Variants in PI4K2A observed in about 807,000 individuals in gnomAD.
PI4K2A encodes phosphatidylinositol 4-kinase type 2 alpha.
PI4K2A carries 20 observed loss-of-function variants against 55.0 expected under a neutral mutation model. The ratio of observed to expected loss-of-function variants is 0.36; its 90% CI spans 0.26 to 0.53. The LOEUF (loss-of-function observed/expected upper bound fraction) is 0.53. Ranked by LOEUF, PI4K2A falls within the 20% of genes least tolerant of loss-of-function variation. The probability of loss-of-function intolerance (pLI) is 0.91; values close to 1 mark genes in which losing one functional copy is unlikely to be tolerated. For missense variants in PI4K2A, 463 were observed against 637.1 expected (o/e 0.73, Z 2.94); for synonymous variants, 235 against 258.5 (o/e 0.91, Z 0.87).
At chr10:97,667,208 A>C in intron 8 of PI4K2A, 88 bp downstream of exon 8, 4 of 935,596 alleles carry the variant, frequency 4.3e-6, no homozygotes, top group Non-Finnish European at 6.8e-6. Context: ...TTTGTGTTTT[A>C]TACCCCCCCC....
chr10:97,640,692 C>T, exon 1 of PI4K2A: 1 of 1,317,314 alleles, frequency 7.6e-7, no homozygotes, highest in South Asian at 1.7e-5. Flanking sequence ...GTCGCGGCCG[C>T]GAGCGCAGTG....
chr10:97,673,759 A>G, exon 9 of PI4K2A: 1 of 1,612,502 alleles, frequency 6.2e-7, no homozygotes, highest in South Asian at 1.1e-5. Context: ...AGGCAGGCAG[A>G]GGAAATATTG....
intron 4 of PI4K2A, among the ~76,000 whole-genome samples, chr10:97,662,347 G>A (rs940035398): frequency 4.6e-5 from 7 of 152,032 alleles, no homozygotes; most frequent in African/African-American, 9.7e-5. Flanking sequence ...ATCAGAAATC[G>A]TAGAGCTGTA....
At chr10:97,640,899 G>T in exon 1 of PI4K2A, 1 of 1,311,548 alleles carries the variant, frequency 7.6e-7, no homozygotes, top group Admixed American at 4.2e-5. Context: ...GGGCTCGCCG[G>T]GCCACGACCG....
At chr10:97,665,010 G>A (rs1260463250) in intron 6 of PI4K2A, 26 bp downstream of exon 6, 1 of 1,394,372 alleles carries the variant, frequency 7.2e-7, no homozygotes, top group Non-Finnish European at 1.0e-6. Flanking sequence ...ATGGTGGTCT[G>A]GCTCTTCCCT....
At chr10:97,648,998 G>A (rs1441337080) in intron 1 of PI4K2A, among the ~76,000 whole-genome samples, 2 of 152,326 alleles carry the variant, frequency 1.3e-5, no homozygotes, top group East Asian at 3.9e-4. Flanking sequence ...ATCCTTGGAA[G>A]GCATTTTTAA....
At chr10:97,675,840 C>T (rs1245595034) in exon 9 of PI4K2A, 1 of 152,588 alleles carries the variant, frequency 6.6e-6, no homozygotes, top group Non-Finnish European at 1.5e-5. Flanking sequence ...TCTGGAAGAG[C>T]CAGGGGCCCA....
At chr10:97,661,082 C>A (rs1340363515) in intron 4 of PI4K2A, among the ~76,000 whole-genome samples, 1 of 152,042 alleles carries the variant, frequency 6.6e-6, no homozygotes, top group Non-Finnish European at 1.5e-5. Flanking sequence ...AGCTCCGCCT[C>A]CCGGGTTCAC....
At chr10:97,659,325 C>T (rs548339770) in intron 4 of PI4K2A, among the ~76,000 whole-genome samples, 65 of 152,122 alleles carry the variant, frequency 4.3e-4, no homozygotes, top group African/African-American at 1.5e-3. Flanking sequence ...TGAACAACTG[C>T]GCCTGGCTTG....
chr10:97,651,161 G>A lies in PI4K2A; in HGVS notation c.636+20G>A. 1 of 1,599,744 alleles carries A rather than the reference G, an allele frequency of 6.3e-7. No homozygotes were observed. Among genetic ancestry groups the A allele is most frequent in the South Asian group, 1.1e-5 (1 of 90,710 alleles). On this transcript the variant is annotated intron_variant, in intron 2 of 8. Coordinates refer to ENST00000370631, the Ensembl canonical transcript of PI4K2A. ...ACAAAGGTCAGTGACCCATCTCCAG[G>A]AAGCCTTACTGCCTGGCCACAGTTT... is the stretch of plus-strand genomic sequence containing the variant.
intron 8 of PI4K2A, among the ~76,000 whole-genome samples, chr10:97,670,612 C>T (rs2041629927): frequency 6.6e-6 from 1 of 152,158 alleles, no homozygotes. Flanking sequence ...CTATTTGGAA[C>T]AGTGTAGGAT....
intron 1 of PI4K2A, among the ~76,000 whole-genome samples, chr10:97,642,850 C>CTCTCT (rs1491531542): frequency 2.5e-5 from 2 of 80,344 alleles, no homozygotes; most frequent in Non-Finnish European, 2.7e-5. Flanking sequence ...TTCCTTCCTT[C>CTCTCT]CTTTCTTTCT....
At chr10:97,653,149 C>T (rs548209575) in intron 2 of PI4K2A, among the ~76,000 whole-genome samples, 1 of 152,348 alleles carries the variant, frequency 6.6e-6, no homozygotes, top group Admixed American at 6.5e-5. Flanking sequence ...CTTTTACATT[C>T]TCCTTGCTTA....
intron 1 of PI4K2A, among the ~76,000 whole-genome samples, chr10:97,647,084 G>T (rs549805539): frequency 2.0e-5 from 3 of 151,974 alleles, no homozygotes; most frequent in Non-Finnish European, 4.4e-5. Context: ...CTGGGCTCAG[G>T]TTCCAGTAAT....
intron 8 of PI4K2A, among the ~76,000 whole-genome samples, chr10:97,668,856 G>A (rs1372847482): frequency 6.6e-6 from 1 of 151,930 alleles, no homozygotes; most frequent in African/African-American, 2.4e-5. Context: ...CCTGGAAGGG[G>A]GTTGGACAGA....
In PI4K2A at chr10:97,641,195, G is replaced by GACC; in HGVS notation, c.435+19_435+21dup. Reference sequence around the variant, plus strand: ...CTCAGGGGGTGAGTGCGGGGGTGGGGACCGCCGCCGCGGGCTGAGGGCCGG... The same window carrying GACC: ...CTCAGGGGGTGAGTGCGGGGGTGGGGACCACCGCCGCCGCGGGCTGAGGGCCGG... On this transcript the variant is annotated intron_variant, in intron 1 of 8. Transcript: ENST00000370631. 2.5e-6 allele frequency: 4 copies of GACC among 1,577,812 alleles called. No individual in the cohort carries two copies. The highest frequency in any genetic ancestry group is 3.4e-6 in the Non-Finnish European group (4 of 1,165,902).
At chr10:97,674,104 A>T (rs73322513) in exon 9 of PI4K2A, 4,633 of 180,756 alleles carry the variant, frequency 0.026, 245 homozygotes, top group African/African-American at 0.1. Context: ...CAAACAAAAC[A>T]AAAACAACTT....
At chr10:97,652,290 G>A (rs917460133) in intron 2 of PI4K2A, among the ~76,000 whole-genome samples, 7 of 151,868 alleles carry the variant, frequency 4.6e-5, no homozygotes, top group African/African-American at 1.7e-4. Flanking sequence ...TCTGCTTAAA[G>A]TTTTCTTTTC....
chr10:97,642,416 T>C (rs1056297326), intron 1 of PI4K2A, among the ~76,000 whole-genome samples: 1 of 151,560 alleles, frequency 6.6e-6, no homozygotes, highest in Non-Finnish European at 1.5e-5. Flanking sequence ...TTTCTTTTTT[T>C]TTTGAGACAG....
Sources: allele counts gnomAD v4.1 joint callset (sites outside exome capture counted in the v4.1 genomes callset), GRCh38; gene constraint gnomAD v4.1.1; transcripts MANE v1.5; gene names NCBI Gene and HGNC (gene_info 2026-07-23, HGNC 2026-07-21).